ANKRD44: variants seen among roughly 807,000 people sequenced by gnomAD.
ANKRD44 encodes the protein ankyrin repeat domain 44.
ANKRD44 carries 35 observed loss-of-function variants against 116.0 expected under a neutral mutation model. The ratio of observed to expected loss-of-function variants is 0.30; its 90% CI spans 0.23 to 0.40. ANKRD44 has a LOEUF of 0.40. Ranked by LOEUF, ANKRD44 falls within the 10% of genes least tolerant of loss-of-function variation. ANKRD44 has a pLI of 1.00. For synonymous variants in ANKRD44, 435 were observed against 461.8 expected (o/e 0.94, Z 0.74); for missense variants, 1,014 against 1,242.6 (o/e 0.82, Z 2.77).
chr2:197,187,676 C>T (rs1166891835), intron 1 of ANKRD44, among the ~76,000 whole-genome samples: 1 of 151,414 alleles, frequency 6.6e-6, no homozygotes, highest in Non-Finnish European at 1.5e-5. Context: ...CTCTCTCTCT[C>T]TCCCTCTTCT....
intron 1 of ANKRD44, among the ~76,000 whole-genome samples, chr2:197,253,293 T>C (rs1040984711): frequency 2.6e-5 from 4 of 152,226 alleles, no homozygotes; most frequent in Non-Finnish European, 4.4e-5. Flanking sequence ...TTTTGAATTC[T>C]TCTCACTGTC....
At chr2:197,174,761 C>G (rs1226069230) in intron 2 of ANKRD44, among the ~76,000 whole-genome samples, 1 of 152,194 alleles carries the variant, frequency 6.6e-6, no homozygotes, top group Admixed American at 6.5e-5. Flanking sequence ...TGGAGCTGAA[C>G]AGTTAGTGGA....
At chr2:197,111,021 A>C (rs1265565615) in intron 8 of ANKRD44, among the ~76,000 whole-genome samples, 177 bp from the exon 9 acceptor site, 1 of 152,220 alleles carries the variant, frequency 6.6e-6, no homozygotes, top group African/African-American at 2.4e-5. Flanking sequence ...ACTGTACTCC[A>C]GCCTGGGTGA....
rs763001184 is a variant in ANKRD44 at position 197,284,525 on chromosome 2, CACACACACACACACACAT to C, written c.27+26035_27+26052del. ...TCAAACACACACACACACACACACA[CACACACACACACACACAT>C]AATTTGTGTGTTTAAACAAAATTCT... On this transcript the variant is annotated intron_variant, in intron 1 of 27. Transcript: ENST00000282272. Among the ~76,000 whole-genome samples the C allele has an allele frequency of 1.3e-3, 185 of 138,154 alleles. 1 individual carries two copies. The highest frequency in any genetic ancestry group is 2.3e-3 in the Non-Finnish European group (140 of 60,988). The allele number at this position is 138,154 out of a possible 152,430, so 90.6% of individuals were successfully genotyped here.
chr2:197,119,990 ACT>A (rs752210311), intron 8 of ANKRD44, among the ~76,000 whole-genome samples: 1 of 151,932 alleles, frequency 6.6e-6, no homozygotes, highest in Non-Finnish European at 1.5e-5. Flanking sequence ...TATCTGGAAC[ACT>A]CTCTCTCAAA....
At chr2:197,077,314 T>A (rs1350186907) in intron 16 of ANKRD44, among the ~76,000 whole-genome samples, 2 of 152,148 alleles carry the variant, frequency 1.3e-5, no homozygotes, top group African/African-American at 4.8e-5. Flanking sequence ...CTTTTGAAAT[T>A]CACTTAACAC....
chr2:197,278,800 C>A (rs1278735809), intron 1 of ANKRD44, among the ~76,000 whole-genome samples: 2 of 152,254 alleles, frequency 1.3e-5, no homozygotes, highest in African/African-American at 4.8e-5. Flanking sequence ...AGGTCGCCAG[C>A]AAGCAAGTGC....
intron 25 of ANKRD44, among the ~76,000 whole-genome samples, chr2:196,996,760 C>T (rs1212674961): frequency 6.6e-6 from 1 of 151,808 alleles, no homozygotes; most frequent in Non-Finnish European, 1.5e-5. Flanking sequence ...AAAAATTAGC[C>T]GGGCATGGTG....
chr2:197,217,848 A>T (rs1214947641), intron 1 of ANKRD44, among the ~76,000 whole-genome samples: 1 of 152,196 alleles, frequency 6.6e-6, no homozygotes. Flanking sequence ...TCTGTGGTTC[A>T]GCACAGAATA....
intron 2 of ANKRD44, among the ~76,000 whole-genome samples, chr2:197,180,572 T>A (rs918501718): frequency 1.3e-5 from 2 of 152,104 alleles, no homozygotes; most frequent in Non-Finnish European, 2.9e-5. Context: ...CGGCAAAACA[T>A]CTCAGTCCTT....
chr2:196,970,891 C>T lies in ANKRD44; in HGVS notation c.2369-3445G>A, dbSNP rs570513955. Among the ~76,000 whole-genome samples, 19 of 152,094 alleles carry T rather than the reference C, an allele frequency of 1.2e-4. No homozygotes were observed. The South Asian group carries it at 1.9e-3, about 15-fold the overall frequency. On this transcript the variant is annotated intron_variant, in intron 21 of 21. Coordinates refer to the ANKRD44 transcript ENST00000424317. ...TAATTTTTTGTATTCTTTGTAGAGA[C>T]GGGGTTTTGCCATGTTGCTCACACT...
At chr2:197,176,367 T>G (rs925072914) in intron 2 of ANKRD44, among the ~76,000 whole-genome samples, 12 of 152,170 alleles carry the variant, frequency 7.9e-5, no homozygotes, top group Non-Finnish European at 1.8e-4. Context: ...CATCATCTCA[T>G]CTCCCTAACC....
At chr2:197,189,061 A>G (rs997722756) in intron 1 of ANKRD44, among the ~76,000 whole-genome samples, 2 of 151,974 alleles carry the variant, frequency 1.3e-5, no homozygotes, top group Non-Finnish European at 2.9e-5. Context: ...TTCCCTATAA[A>G]CCCTCTTTTC....
intron 16 of ANKRD44, among the ~76,000 whole-genome samples, chr2:197,064,325 C>T (rs554132922): frequency 2.2e-4 from 33 of 152,258 alleles, no homozygotes; most frequent in Middle Eastern, 3.4e-3. Flanking sequence ...AAGGAACAAC[C>T]GGTACCAGCC....
rs191988653 is a variant in ANKRD44 at position 197,095,552 on chromosome 2, A to G, written c.1100+4264T>C. Among the ~76,000 whole-genome samples the G allele has an allele frequency of 1.6e-4, 25 of 152,332 alleles. No individual in the cohort carries two copies. In the East Asian group the frequency reaches 4.2e-3, roughly 26 times the overall value. On this transcript the variant is annotated intron_variant, in intron 10 of 27. Transcript: ENST00000282272. ...TCAGCCACCAGGACCATAATCCTAC[A>G]CAAATGGTGACTTCACTTTGGCAAA... is the stretch of plus-strand genomic sequence containing the variant.
At chr2:197,136,359 T>C (rs2079216178) in intron 4 of ANKRD44, 1 of 548,694 alleles carries the variant, frequency 1.8e-6, no homozygotes, top group Admixed American at 3.2e-5. Context: ...GAGAACTCAT[T>C]GAAATTCAGG....
At chr2:197,023,775 C>T (rs921035772) in intron 17 of ANKRD44, among the ~76,000 whole-genome samples, 3 of 152,158 alleles carry the variant, frequency 2.0e-5, no homozygotes, top group Non-Finnish European at 4.4e-5. Flanking sequence ...CTTCCCCAGG[C>T]ACAGCAGATG....
intron 1 of ANKRD44, among the ~76,000 whole-genome samples, chr2:197,258,270 CTTTTTTTTT>C (rs71395680): frequency 1.3e-5 from 1 of 79,222 alleles, no homozygotes; most frequent in African/African-American, 6.2e-5. Context: ...TTGGCTAATC[CTTTTTTTTT>C]TTTTTTTTTT....
chr2:197,254,300 GGA>G (rs2082389824), intron 1 of ANKRD44, among the ~76,000 whole-genome samples: 1 of 152,078 alleles, frequency 6.6e-6, no homozygotes, highest in Non-Finnish European at 1.5e-5. Flanking sequence ...GGCTGAGGCA[GGA>G]GAACCTGGGA....
Sources: gnomAD v4.1 joint callset for allele counts (sites outside exome capture counted in the v4.1 genomes callset) on GRCh38, gnomAD v4.1.1 for gene constraint, MANE v1.5 for transcripts, NCBI Gene and HGNC (gene_info 2026-07-23, HGNC 2026-07-21) for gene names.